Variants in TICAM2 observed in about 807,000 individuals in gnomAD.
The protein encoded by TICAM2 is TIR domain containing adaptor molecule 2, also known as TIR domain-containing adapter molecule 2.
In TICAM2, 8 loss-of-function variants were observed where a neutral mutation model predicts 7.3. The observed-to-expected ratio is 1.10, with a 90% CI of 0.65 to 1.99. TICAM2 has a LOEUF of 1.99. TICAM2 is among the 30% of genes most tolerant of loss of function. The probability of loss-of-function intolerance (pLI) is 0.00; values close to 1 mark genes in which losing one functional copy is unlikely to be tolerated. For missense variants in TICAM2, 304 were observed against 278.8 expected (o/e 1.09, Z -0.65); for synonymous variants, 113 against 99.6 (o/e 1.13, Z -0.80).
At chr5:115,582,343 T>A (rs1754958758) in intron 1 of TICAM2, among the ~76,000 whole-genome samples, 1 of 150,306 alleles carries the variant, frequency 6.7e-6, no homozygotes, top group Admixed American at 6.6e-5. Context: ...TTTTGGTTTT[T>A]TTTTTTTTTT....
At chr5:115,586,677 G>A (rs1249269864) in intron 1 of TICAM2, among the ~76,000 whole-genome samples, 1 of 152,204 alleles carries the variant, frequency 6.6e-6, no homozygotes, top group African/African-American at 2.4e-5. Context: ...GAATCCTTCA[G>A]CCTTGGAGAG....
chr5:115,592,795 T>C (rs1394459858), intron 1 of TICAM2, among the ~76,000 whole-genome samples: 2 of 152,188 alleles, frequency 1.3e-5, no homozygotes, highest in Non-Finnish European at 1.5e-5. Flanking sequence ...GGATAATCCA[T>C]CACAACCAAG....
chr5:115,581,149 C>T lies in TICAM2; in HGVS notation c.108G>A (p.Lys36=). The T allele has an allele frequency of 6.2e-7, 1 of 1,614,024 alleles. No individual in the cohort carries two copies. The highest frequency in any genetic ancestry group is 8.5e-7 in the Non-Finnish European group (1 of 1,180,000). ...SPGYHESDSK[K]SEDLSLCNVA... The stretch of plus-strand genomic sequence containing the variant: ...CATTACACAAGGATAGATCTTCAGA[C>T]TTCTTGGAATCTGACTCATGATATC... Residue 36 remains lysine, a synonymous_variant, in exon 2 of 2, where the codon AAG becomes AAA. Transcript: ENST00000427199.
At chr5:115,601,335 G>T (rs1015455383) in intron 1 of TICAM2, among the ~76,000 whole-genome samples, 1 of 148,548 alleles carries the variant, frequency 6.7e-6, no homozygotes, top group Non-Finnish European at 1.5e-5. Context: ...CTTCAGAGGT[G>T]GGGGGATGCA....
intron 1 of TICAM2, among the ~76,000 whole-genome samples, chr5:115,600,835 A>G (rs2112527600): frequency 6.6e-6 from 1 of 152,282 alleles, no homozygotes; most frequent in Admixed American, 6.5e-5. Context: ...AAAAAGAAGC[A>G]AAGTAGGGGA....
Position 115,592,299 on chromosome 5 carries a change from T to C in TICAM2, c.-60+9798A>G, listed in dbSNP as rs1419636121. 2.0e-5 allele frequency among the ~76,000 whole-genome samples: 3 copies of C among 152,118 alleles called. No individual in the cohort carries two copies. The South Asian group carries it at 6.2e-4, about 31-fold the overall frequency. On this transcript the variant is annotated intron_variant, in intron 1 of 1. Transcript: ENST00000427199. ...GACGAAATAAACACATTCCAAGAAA[T>C]AGACAATTTCTCAAAACAGACACAG...
intron 1 of TICAM2, among the ~76,000 whole-genome samples, chr5:115,594,604 C>A (rs1755436600): frequency 6.6e-6 from 1 of 152,014 alleles, no homozygotes; most frequent in Admixed American, 6.6e-5. Context: ...ATACTGTTTG[C>A]CAAAATGTTG....
At chr5:115,598,397 C>T (rs1467543106) in intron 1 of TICAM2, among the ~76,000 whole-genome samples, 4 of 152,198 alleles carry the variant, frequency 2.6e-5, no homozygotes, top group Non-Finnish European at 1.5e-5. Context: ...TTCTCCAACA[C>T]TCTTCTTAAG....
At chr5:115,599,966 C>T (rs1206048798) in intron 1 of TICAM2, among the ~76,000 whole-genome samples, 1 of 151,448 alleles carries the variant, frequency 6.6e-6, no homozygotes, top group African/African-American at 2.4e-5. Flanking sequence ...TTGGAAAAGA[C>T]TGTAGAGGAG....
In TICAM2 at chr5:115,583,953, G is replaced by A. The variant is rs560426223; in HGVS notation, c.-59-2638C>T. On this transcript the variant is annotated intron_variant, in intron 1 of 1. Coordinates refer to ENST00000427199, the MANE Select transcript of TICAM2 (RefSeq NM_021649.7). The stretch of plus-strand genomic sequence containing the variant: ...AGCTAAATGGAAGGAGAGTGAGGGT[G>A]CCACTTGGGAGACGCATGTGAGACC... Among the ~76,000 whole-genome samples, 15 of 152,288 alleles carry A rather than the reference G, an allele frequency of 9.8e-5. No individual in the cohort carries two copies. In the East Asian group the frequency reaches 2.9e-3, roughly 29 times the overall value.
In TICAM2 at chr5:115,589,793, C is replaced by T. The variant is rs147262517; in HGVS notation, c.-59-8478G>A. Among the ~76,000 whole-genome samples, 33 of 152,280 alleles carry T rather than the reference C, an allele frequency of 2.2e-4. No individual in the cohort carries two copies. In the East Asian group the frequency reaches 5.4e-3, roughly 25 times the overall value. On this transcript the variant is annotated intron_variant, in intron 1 of 1. Transcript: ENST00000427199. The stretch of plus-strand genomic sequence containing the variant: ...TAGACTGCAAACTCGATCAGAACAA[C>T]GATCAACTTGTCTTATTCATCACTA...
intron 1 of TICAM2, among the ~76,000 whole-genome samples, chr5:115,589,779 CTCGA>C (rs2127198779): frequency 6.6e-6 from 1 of 152,288 alleles, no homozygotes; most frequent in Non-Finnish European, 1.5e-5. Flanking sequence ...AGACTGCAAA[CTCGA>C]TCAGAACAAC....
intron 1 of TICAM2, among the ~76,000 whole-genome samples, chr5:115,583,529 C>T (rs775181589): frequency 6.6e-6 from 1 of 152,024 alleles, no homozygotes; most frequent in Admixed American, 6.5e-5. Flanking sequence ...CTAATCAGAC[C>T]GAGAGAAAAA....
intron 1 of TICAM2, among the ~76,000 whole-genome samples, chr5:115,598,540 T>G (rs1313625312): frequency 6.6e-6 from 1 of 152,190 alleles, no homozygotes; most frequent in Non-Finnish European, 1.5e-5. Flanking sequence ...ATCTCTTCAC[T>G]CAGTTGCTAG....
At position 115,581,709 on chromosome 5, in the gene TICAM2, A is replaced by G. The variant is rs10041531; in HGVS notation, c.-59-394T>C. 1.1e-3 allele frequency: 178 copies of G among 169,184 alleles called. 2 individuals are homozygous for G. Among genetic ancestry groups the G allele is most frequent in the African/African-American group, 4.0e-3 (166 of 41,886 alleles). 10.5% of individuals were successfully genotyped at this position (169,184 alleles called of 1,614,324 possible). A position where few individuals can be genotyped will look rare whatever the true frequency, so the allele number is the denominator to read the frequency against. Reference sequence around the variant, plus strand: ...AATTACCATGTAGACTAGAAACAGGAAAATATAAAGAAACTGAATATTCAA... The same window carrying G: ...AATTACCATGTAGACTAGAAACAGGGAAATATAAAGAAACTGAATATTCAA... On this transcript the variant is annotated intron_variant, in intron 1 of 1. Transcript: ENST00000427199.
At chr5:115,592,693 C>A (rs1264604793) in intron 1 of TICAM2, among the ~76,000 whole-genome samples, 1 of 151,978 alleles carries the variant, frequency 6.6e-6, no homozygotes, top group Non-Finnish European at 1.5e-5. Context: ...GCGAATATTA[C>A]AAAAAGGAAA....
chr5:115,591,763 A>T (rs531694905), intron 1 of TICAM2, among the ~76,000 whole-genome samples: 18 of 152,266 alleles, frequency 1.2e-4, no homozygotes, highest in African/African-American at 3.6e-4. Context: ...AAAATACAAG[A>T]AAGCAGGTAA....
At chr5:115,583,822 G>T (rs1459489290) in intron 1 of TICAM2, among the ~76,000 whole-genome samples, 1 of 152,166 alleles carries the variant, frequency 6.6e-6, no homozygotes, top group Non-Finnish European at 1.5e-5. Flanking sequence ...GGAAATCTGG[G>T]GAAGGTTGGC....
chr5:115,588,251 G>T (rs750258284), intron 1 of TICAM2, among the ~76,000 whole-genome samples: 18 of 152,164 alleles, frequency 1.2e-4, no homozygotes, highest in Non-Finnish European at 2.4e-4. Context: ...TAGAATTAAG[G>T]TCTTATCCTC....
Sources: allele counts gnomAD v4.1 joint callset (sites outside exome capture counted in the v4.1 genomes callset), GRCh38; gene constraint gnomAD v4.1.1; transcripts MANE v1.5; gene names NCBI Gene and HGNC (gene_info 2026-07-23, HGNC 2026-07-21).